The following SYT8 variants were observed in gnomAD, a reference collection of about 807,000 sequenced individuals.
SYT8 encodes the protein synaptotagmin 8, also known as synaptotagmin-8.
A neutral mutation model predicts 34.9 loss-of-function variants in SYT8; 50 were observed. That is an observed-to-expected ratio of 1.43 (90% confidence interval 1.14 to 1.81). The LOEUF (loss-of-function observed/expected upper bound fraction) is 1.81. Ranked by LOEUF, SYT8 falls within the 40% of genes most tolerant of loss-of-function variation. SYT8 has a pLI of 0.00. For synonymous variants in SYT8, 255 were observed against 234.2 expected (o/e 1.09, Z -0.81); for missense variants, 595 against 529.0 (o/e 1.12, Z -1.22).
At chr11:1,835,672 G>A (rs367996037) in intron 2 of SYT8, 138 of 735,108 alleles carry the variant, frequency 1.9e-4, no homozygotes, top group African/African-American at 1.2e-3. Context: ...GAGCCACAGC[G>A]GGTTCTTGAG....
At position 1,837,300 on chromosome 11, in the gene SYT8, T is replaced by C. The variant is rs558908944; in HGVS notation, c.1033T>C (p.Trp345Arg). 2.4e-5 allele frequency: 38 copies of C among 1,590,946 alleles called. 1 individual carries two copies. In the South Asian group the frequency reaches 2.6e-4, roughly 11 times the overall value. ...GGCCTCGGGGCAGCCCCTGCAGCAC[T>C]GGGCAGACATGCTGGCCCACGCCCG... is the stretch of plus-strand genomic sequence containing the variant. The part of the protein sequence containing the change: ...ARASGQPLQH[W>R]ADMLAHARRP... The change falls in exon 8 of 8, where the codon TGG becomes CGG. Residue 345 changes from tryptophan to arginine, a missense_variant. Coordinates refer to ENST00000341958, the MANE Select transcript of SYT8 (RefSeq NM_001394072.1).
rs1229705538 is a variant in SYT8 at position 1,835,789 on chromosome 11, G to A, written c.259-97G>A. 41 of 1,076,584 alleles carry A rather than the reference G, an allele frequency of 3.8e-5. No individual in the cohort carries two copies. The Middle Eastern group carries it at 7.8e-4, about 20-fold the overall frequency. The allele number at this position is 1,076,584 out of a possible 1,614,324, so 66.7% of individuals were successfully genotyped here. ...TGGGTGGCCTGGCCTGGAGGCGGGG[G>A]GTCTTGACCCATGTCATGCAAGGGC... On this transcript the variant is annotated intron_variant, in intron 2 of 7. Coordinates refer to ENST00000341958, the MANE Select transcript of SYT8 (RefSeq NM_001394072.1).
At chr11:1,836,034 G>C (rs754594262) in intron 3 of SYT8, 50 bp downstream of exon 3, 5 of 1,588,096 alleles carry the variant, frequency 3.1e-6, no homozygotes, top group Non-Finnish European at 4.3e-6. Flanking sequence ...TTTCCGGAAA[G>C]GGTGACGGGG....
Position 1,835,382 on chromosome 11 carries a change from C to T in SYT8, c.181C>T (p.Arg61Cys), listed in dbSNP as rs745846045. 38 of 1,607,816 alleles carry T rather than the reference C, an allele frequency of 2.4e-5. No individual in the cohort carries two copies. The highest frequency in any genetic ancestry group is 1.6e-4 in the Middle Eastern group (1 of 6,068). ...CCTCTGTGCTGCCTGCTGCTGCTGC[C>T]GCCGCCACAGGAAGAAGCCCAGGGA... is the stretch of plus-strand genomic sequence containing the variant. ...CLLCAACCCC[R>C]RHRKKPRDKE... Residue 61 changes from arginine (R) to cysteine (C), a missense_variant, in exon 2 of 8, where the codon CGC becomes TGC. Transcript: ENST00000341958.
Position 1,837,481 on chromosome 11 carries a change from C to T in SYT8, c.*50C>T. ...CGCTGAGCCCAGGCACTTGCCCAGG[C>T]CGCCCTGCAGGACCACTGCAATAAA... On this transcript the variant is annotated 3_prime_UTR_variant, in exon 8 of 8. Transcript: ENST00000341958. 2 of 1,588,530 alleles carry T rather than the reference C, an allele frequency of 1.3e-6. No individual in the cohort carries two copies. Among genetic ancestry groups the T allele is most frequent in the Non-Finnish European group, 1.7e-6 (2 of 1,172,250 alleles).
chr11:1,835,128 C>T lies in SYT8; in HGVS notation c.23C>T (p.Pro8Leu), dbSNP rs1846829171. The change falls in exon 1 of 8, where the codon CCC becomes CTC. Residue 8 changes from proline to leucine, a missense_variant. Coordinates refer to ENST00000341958, the MANE Select transcript of SYT8 (RefSeq NM_001394072.1). MGHPPVS[P>L]SAPAPAGTTA... ...AAGATGGGGCACCCACCAGTCTCTC[C>T]CAGTGCCCCGGCCCCAGCTGGCACC... 1 of 1,613,352 alleles carries T rather than the reference C, an allele frequency of 6.2e-7. No homozygotes were observed. Among genetic ancestry groups the T allele is most frequent in the African/African-American group, 1.3e-5 (1 of 75,040 alleles).
rs2133015560 is a variant in SYT8, at chr11:1,835,315, T to TGCCGGC, written c.118_123dup (p.Gly40_Ala41dup). On this transcript the variant is annotated inframe_insertion, in exon 2 of 8. Transcript: ENST00000341958. ...CCCCAGGGCCCCGCTGGGCTCTCAT[T>TGCCGGC]GCCGGCGCCCTTGCCGCGGGCGTCC... The TGCCGGC allele has an allele frequency of 2.5e-6, 4 of 1,600,598 alleles. No homozygotes were observed. The East Asian group carries it at 9.0e-5, about 36-fold the overall frequency.
upstream of SYT8, chr11:1,834,917 C>A: frequency 6.2e-6 from 4 of 644,262 alleles, no homozygotes; most frequent in Middle Eastern, 8.5e-4. This position sits in a 1 kb window ranked among gnomAD's most constrained non-coding sequence, Gnocchi z 4.5. Context: ...GGGTCCAGAG[C>A]CTCCCTCCCT....
chr11:1,837,311 G>A lies in SYT8; in HGVS notation c.1044G>A (p.Met348Ile), dbSNP rs1554968943. Residue 348 changes from methionine to isoleucine, a missense_variant, in exon 8 of 8, where the codon ATG (methionine) becomes ATA (isoleucine). By Grantham distance (10) the Met-to-Ile change is conservative. Coordinates refer to ENST00000341958, the MANE Select transcript of SYT8 (RefSeq NM_001394072.1). ...SGQPLQHWAD[M>I]LAHARRPIAQ... is the part of the protein sequence containing the mutation. ...AGCCCCTGCAGCACTGGGCAGACATGCTGGCCCACGCCCGGCGGCCCATTG... is the reference window on the plus strand; with the variant it reads ...AGCCCCTGCAGCACTGGGCAGACATACTGGCCCACGCCCGGCGGCCCATTG... 2 of 1,589,148 alleles carry A rather than the reference G, an allele frequency of 1.3e-6. No homozygotes were observed. The highest frequency in any genetic ancestry group is 1.7e-6 in the Non-Finnish European group (2 of 1,172,480).
At position 1,837,315 on chromosome 11, in the gene SYT8, GC is replaced by G; in HGVS notation, c.1051del (p.His351ThrfsTer?). On this transcript the variant is annotated frameshift_variant, in exon 8 of 8. Coordinates refer to ENST00000341958, the MANE Select transcript of SYT8 (RefSeq NM_001394072.1). LOFTEE classifies it low-confidence loss of function (END_TRUNC). ...CCTGCAGCACTGGGCAGACATGCTG[GC>G]CCACGCCCGGCGGCCCATTGCCCAG... ...QPLQHWADML[A>X]HARRPIAQRH... 1 of 1,589,324 alleles carries G rather than the reference GC, an allele frequency of 6.3e-7. No homozygotes were observed. Among genetic ancestry groups the G allele is most frequent in the Non-Finnish European group, 8.5e-7 (1 of 1,172,514 alleles).
chr11:1,834,804 C>G, upstream of SYT8: 2 of 683,964 alleles, frequency 2.9e-6, no homozygotes, highest in Non-Finnish European at 5.0e-6. This position sits in a 1 kb window ranked among gnomAD's most constrained non-coding sequence, Gnocchi z 4.5. Context: ...CCGGTGAAGG[C>G]AGGGACTAGG....
upstream of SYT8, chr11:1,834,307 A>G (rs1846780719): frequency 1.8e-6 from 1 of 543,710 alleles, no homozygotes; most frequent in East Asian, 3.4e-5. This position sits in a 1 kb window ranked among gnomAD's most constrained non-coding sequence, Gnocchi z 4.5. Context: ...CACATGCCGA[A>G]GGGTGGCCAG....
Position 1,835,576 on chromosome 11 carries a change from G to A in SYT8, c.258+117G>A, listed in dbSNP as rs549158911. 4 of 1,243,186 alleles carry A rather than the reference G, an allele frequency of 3.2e-6. No individual in the cohort carries two copies. In the East Asian group the frequency reaches 1.0e-4, roughly 31 times the overall value. The allele number at this position is 1,243,186 out of a possible 1,614,324, so 77.0% of individuals were successfully genotyped here. ...ATGGTTTAACCCCCACAGAGGCAGGGCGTTGAGGACCTTCCTGGCAGGGAA... is the reference window on the plus strand; with the variant it reads ...ATGGTTTAACCCCCACAGAGGCAGGACGTTGAGGACCTTCCTGGCAGGGAA... On this transcript the variant is annotated intron_variant, in intron 2 of 7. Coordinates refer to ENST00000341958, the MANE Select transcript of SYT8 (RefSeq NM_001394072.1).
upstream of SYT8, chr11:1,834,503 G>A (rs1565049789): frequency 6.9e-7 from 1 of 1,451,494 alleles, no homozygotes; most frequent in Non-Finnish European, 9.4e-7. The surrounding 1 kb of genome is among the most constrained non-coding windows in gnomAD (Gnocchi z 4.5). Context: ...CCGACAGCCA[G>A]CCCTGCTCCT....
rs983625987 is a variant in SYT8, at chr11:1,836,340, G to T, written c.516+56G>T. The stretch of plus-strand genomic sequence containing the variant: ...TGGACGGCTGGATGGGCCTGGGCTG[G>T]GTGGGCCTGGGCAGCTGGGTGGGCC... On this transcript the variant is annotated intron_variant, in intron 4 of 7. Transcript: ENST00000341958. 36 of 1,494,888 alleles carry T rather than the reference G, an allele frequency of 2.4e-5. No homozygotes were observed. The South Asian group carries it at 4.7e-4, about 20-fold the overall frequency. 92.6% of individuals were successfully genotyped at this position (1,494,888 alleles called of 1,614,324 possible). A position where few individuals can be genotyped will look rare whatever the true frequency, so the allele number is the denominator to read the frequency against.
upstream of SYT8, among the ~76,000 whole-genome samples, chr11:1,832,213 G>A (rs1846692283): frequency 6.6e-6 from 1 of 152,150 alleles, no homozygotes; most frequent in East Asian, 1.9e-4. Flanking sequence ...GTGGGCTCAC[G>A]CTGGCCTTGG....
upstream of SYT8, chr11:1,834,323 C>G: frequency 1.8e-6 from 1 of 542,744 alleles, no homozygotes; most frequent in Non-Finnish European, 3.2e-6. This position sits in a 1 kb window ranked among gnomAD's most constrained non-coding sequence, Gnocchi z 4.5. Context: ...GCCAGGCAGG[C>G]AGGTGGACGA....
At chr11:1,836,048 G>A (rs571857788) in intron 3 of SYT8, 64 bp downstream of exon 3, 3 of 1,580,488 alleles carry the variant, frequency 1.9e-6, no homozygotes, top group Admixed American at 1.9e-5. Context: ...GACGGGGGAA[G>A]GGCAGACCCC....
At chr11:1,835,862 GCC>G in intron 2 of SYT8, 22 bp from the exon 3 acceptor site, 1 of 1,596,866 alleles carries the variant, frequency 6.3e-7, no homozygotes, top group Non-Finnish European at 8.6e-7. Context: ...AGCACCACCT[GCC>G]CCTTGTCCCA....
Sources: allele counts gnomAD v4.1 joint callset (sites outside exome capture counted in the v4.1 genomes callset), GRCh38; gene constraint gnomAD v4.1.1; non-coding constraint Gnocchi (gnomAD v3.1); transcripts MANE v1.5; gene names NCBI Gene and HGNC (gene_info 2026-07-23, HGNC 2026-07-21).